LMF1: variants seen among roughly 807,000 people sequenced by gnomAD.
The protein encoded by LMF1 is transmembrane protein 112.
In LMF1, 68 loss-of-function variants were observed where a neutral mutation model predicts 60.6. That is an observed-to-expected ratio of 1.12 (90% CI 0.92 to 1.37). The LOEUF is 1.37. Among genes scored for constraint, LMF1 ranks in the 40% most tolerant of loss-of-function variants. LMF1 has a pLI of 0.00. For missense variants in LMF1, 948 were observed against 767.2 expected, an observed-to-expected ratio of 1.24 and a Z score of -2.78; for synonymous variants, 418 against 324.7, an observed-to-expected ratio of 1.29 and a Z score of -3.09.
rs115674753 is a variant in LMF1, at chr16:875,334, T to C, written c.898-3993A>G. Among the ~76,000 whole-genome samples, 1,122 of 151,282 alleles carry C rather than the reference T, an allele frequency of 7.4e-3. 9 individuals are homozygous for C. Among genetic ancestry groups the C allele is most frequent in the African/African-American group, 0.026 (1,064 of 41,122 alleles). ...AGCCTGGCCGTCATGCTTGGGAGGG[T>C]CCCTGTCTGCCTGCACCAGGGCCCG... On this transcript the variant is annotated intron_variant, in intron 6 of 10. Coordinates refer to ENST00000262301, the MANE Select transcript of LMF1 (RefSeq NM_022773.4).
At chr16:855,499 T>A in intron 10 of LMF1, 1 of 356,938 alleles carries the variant, frequency 2.8e-6, no homozygotes, top group Non-Finnish European at 5.5e-6. Context: ...CTCCTGGGGG[T>A]GGGACGAAGC....
At chr16:979,185 C>T (rs371270992) in intron 1 of LMF1, 10 of 431,802 alleles carry the variant, frequency 2.3e-5, no homozygotes, top group South Asian at 6.4e-5. Context: ...CTGAAAGCTC[C>T]GTCCCGGCGT....
rs146387189 is a variant in LMF1, at chr16:877,762, C to T, written c.897+1808G>A. On this transcript the variant is annotated intron_variant, in intron 6 of 10. Coordinates refer to ENST00000262301, the MANE Select transcript of LMF1 (RefSeq NM_022773.4). ...GCCCAGCAGGGGAGAAAGGGATGGA[C>T]GTAGAACCGGCAGAATCCCTAGATC... Among the ~76,000 whole-genome samples, 414 of 152,160 alleles carry T rather than the reference C, an allele frequency of 2.7e-3. 11 individuals are homozygous for T. In the South Asian group the frequency reaches 0.057, roughly 21 times the overall value.
At chr16:872,002 G>C (rs919569903) in intron 6 of LMF1, 1 of 152,278 alleles carries the variant, frequency 6.6e-6, no homozygotes, top group African/African-American at 2.4e-5. Context: ...GGGACTCAGA[G>C]GGACCCGCTT....
Position 878,497 on chromosome 16 carries a change from A to G in LMF1, c.897+1073T>C, listed in dbSNP as rs1355855589. Among the ~76,000 whole-genome samples, 1 of 152,166 alleles carries G rather than the reference A, an allele frequency of 6.6e-6. No individual in the cohort carries two copies. Among genetic ancestry groups the G allele is most frequent in the Non-Finnish European group, 1.5e-5 (1 of 68,018 alleles). On this transcript the variant is annotated intron_variant, in intron 6 of 10. Transcript: ENST00000262301. This position sits in a 1 kb window ranked among gnomAD's most constrained non-coding sequence, Gnocchi z 5.2. ...TGCTCACGATACAGTAGCGCCCTTGAAAATACATCCACAGGATGACGAGAT... is the reference window on the plus strand; with the variant it reads ...TGCTCACGATACAGTAGCGCCCTTGGAAATACATCCACAGGATGACGAGAT...
intron 2 of LMF1, among the ~76,000 whole-genome samples, chr16:942,046 A>G (rs1375102591): frequency 1.3e-5 from 2 of 152,274 alleles, no homozygotes; most frequent in African/African-American, 4.8e-5. Flanking sequence ...TCTGCCAAGC[A>G]ATAATTCCTT....
chr16:921,959 G>A (rs1451714798), intron 3 of LMF1, among the ~76,000 whole-genome samples: 1 of 152,196 alleles, frequency 6.6e-6, no homozygotes, highest in Non-Finnish European at 1.5e-5. Context: ...GCCGCTGAGA[G>A]GTGTTAGCAA....
intron 10 of LMF1, among the ~76,000 whole-genome samples, chr16:859,029 G>A (rs2069323025): frequency 1.0e-5 from 1 of 99,130 alleles, no homozygotes; most frequent in Non-Finnish European, 2.0e-5. Context: ...GTCACGGGAC[G>A]GGTGTGAGTG....
intron 3 of LMF1, among the ~76,000 whole-genome samples, chr16:924,328 T>C (rs1346497522): frequency 6.6e-6 from 1 of 152,252 alleles, no homozygotes; most frequent in Admixed American, 6.5e-5. Context: ...GAGAACAGCA[T>C]GTGGCTGAGA....
In LMF1 at chr16:871,511, G is replaced by C. The variant is rs549617138; in HGVS notation, c.898-170C>G. ...TGAAACCCAGCTGTGCCTTCATGGA[G>C]GGGACAGCAGATGCCTCAGAGGTGC... On this transcript the variant is annotated intron_variant, in intron 6 of 10. Transcript: ENST00000262301. 715 of 659,832 alleles carry C rather than the reference G, an allele frequency of 1.1e-3. 2 individuals are homozygous for C. In the African/African-American group the frequency reaches 0.011, roughly 10 times the overall value. The allele number at this position is 659,832 out of a possible 1,614,324, so 40.9% of individuals were successfully genotyped here. A position where few individuals can be genotyped will look rare whatever the true frequency, so the allele number is the denominator to read the frequency against.
chr16:859,447 C>G (rs1411958934), intron 10 of LMF1, among the ~76,000 whole-genome samples: 3 of 91,866 alleles, frequency 3.3e-5, no homozygotes, highest in Non-Finnish European at 6.0e-5. Context: ...AGTGGTGTCA[C>G]GGGACGGGTG....
At chr16:934,216 G>A (rs1430392623) in intron 3 of LMF1, 28 bp downstream of exon 3, 1 of 1,599,254 alleles carries the variant, frequency 6.3e-7, no homozygotes, top group East Asian at 2.2e-5. Flanking sequence ...AACTCTCGCA[G>A]AGCTTTCTCT....
At chr16:944,136 G>A (rs2072178696) in intron 2 of LMF1, among the ~76,000 whole-genome samples, 1 of 152,108 alleles carries the variant, frequency 6.6e-6, no homozygotes, top group Non-Finnish European at 1.5e-5. Flanking sequence ...TGCGCTGAGT[G>A]CCTAGGGTCT....
intron 3 of LMF1, among the ~76,000 whole-genome samples, chr16:918,858 T>C (rs545480602): frequency 2.8e-4 from 42 of 148,714 alleles, no homozygotes; most frequent in African/African-American, 9.7e-4. Context: ...ACCCCGACTC[T>C]CACGTGGGGC....
intron 10 of LMF1, among the ~76,000 whole-genome samples, chr16:868,175 G>A (rs185091677): frequency 6.0e-4 from 91 of 152,206 alleles, no homozygotes; most frequent in African/African-American, 2.0e-3. Context: ...TCACGTGGAC[G>A]TCTCCAATCC....
chr16:968,879 C>T (rs1190581962), intron 1 of LMF1: 1 of 152,224 alleles, frequency 6.6e-6, no homozygotes, highest in East Asian at 1.9e-4. Context: ...GCTGGGACTT[C>T]CTGCTGTATC....
chr16:977,088 C>T (rs751965122), intron 1 of LMF1: 1 of 454,154 alleles, frequency 2.2e-6, no homozygotes, highest in South Asian at 1.6e-5. Flanking sequence ...CCAGAAAGCA[C>T]TGCTCCTGCA....
intron 2 of LMF1, among the ~76,000 whole-genome samples, chr16:943,370 CAAAAAA>C (rs34995293): frequency 1.0e-5 from 1 of 97,074 alleles, no homozygotes; most frequent in Non-Finnish European, 2.2e-5. Flanking sequence ...GACTCCATCT[CAAAAAA>C]AAAAAAAAAA....
chr16:931,675 C>A, intron 3 of LMF1: 1 of 1,287,172 alleles, frequency 7.8e-7, no homozygotes, highest in Non-Finnish European at 1.0e-6. Context: ...TCTCCAAGAT[C>A]AGGGAAGGGA....
Sources: gnomAD v4.1 joint callset for allele counts (sites outside exome capture counted in the v4.1 genomes callset) on GRCh38, gnomAD v4.1.1 for gene constraint, Gnocchi (gnomAD v3.1) non-coding constraint, MANE v1.5 for transcripts, NCBI Gene and HGNC (gene_info 2026-07-23, HGNC 2026-07-21) for gene names.